GLMN: variants seen among roughly 807,000 people sequenced by gnomAD.
GLMN encodes the protein glomulin.
GLMN carries 75 observed loss-of-function variants against 87.8 expected under a neutral mutation model. The ratio of observed to expected loss-of-function variants is 0.85; its 90% CI spans 0.71 to 1.04. The LOEUF is 1.04. Among genes scored for constraint, GLMN ranks in the 50% least tolerant of loss-of-function variants. The probability of loss-of-function intolerance (pLI) is 0.00; values close to 1 mark genes in which losing one functional copy is unlikely to be tolerated. For missense variants in GLMN, 588 were observed against 658.8 expected (o/e 0.89, Z 1.18); for synonymous variants, 206 against 221.6 (o/e 0.93, Z 0.63).
chr1:92,248,493 T>C (rs1318169325), intron 16 of GLMN: 1 of 155,266 alleles, frequency 6.4e-6, no homozygotes, highest in Non-Finnish European at 1.4e-5. Flanking sequence ...GAGGGCAGCT[T>C]ATTTTGTCAT....
At chr1:92,368,693 G>C in the GLMN span, among the ~76,000 whole-genome samples, 1 of 152,154 alleles carries the variant, frequency 6.6e-6, no homozygotes, top group African/African-American at 2.4e-5. Flanking sequence ...TCTTACTACT[G>C]TATATAATAA....
chr1:92,307,170 T>C, the GLMN span: 1 of 1,560,852 alleles, frequency 6.4e-7, no homozygotes, highest in South Asian at 1.1e-5. Context: ...AAAACTAGAT[T>C]TATAATGTTC....
At chr1:92,278,041 G>A (rs1274442277) in intron 7 of GLMN, among the ~76,000 whole-genome samples, 1 of 152,100 alleles carries the variant, frequency 6.6e-6, no homozygotes, top group Non-Finnish European at 1.5e-5. Context: ...GGTAACGTTG[G>A]AATTGAATTA....
the GLMN span, among the ~76,000 whole-genome samples, chr1:92,337,950 C>T: frequency 6.6e-6 from 1 of 152,118 alleles, no homozygotes; most frequent in East Asian, 1.9e-4. Context: ...TTTTTATTAA[C>T]CTATTCCCAA....
At chr1:92,363,443 G>A in the GLMN span, among the ~76,000 whole-genome samples, 2 of 152,194 alleles carry the variant, frequency 1.3e-5, no homozygotes, top group Non-Finnish European at 2.9e-5. Context: ...AAAGAACAGC[G>A]TGGCTGCAGA....
the GLMN span, among the ~76,000 whole-genome samples, chr1:92,367,936 T>C: frequency 6.6e-6 from 1 of 152,230 alleles, no homozygotes; most frequent in Non-Finnish European, 1.5e-5. Flanking sequence ...CTGTCCAGTT[T>C]TGAAAGTCAG....
chr1:92,323,974 T>C, the GLMN span: 1 of 1,614,166 alleles, frequency 6.2e-7, no homozygotes. Flanking sequence ...TAGGTCAGTG[T>C]CTAGTTCAGT....
intron 7 of GLMN, among the ~76,000 whole-genome samples, chr1:92,276,968 A>G (rs184958735): frequency 1.3e-5 from 2 of 152,300 alleles, no homozygotes; most frequent in Admixed American, 1.3e-4. Context: ...CAAGACCCCC[A>G]GATTCTTGCT....
the GLMN span, among the ~76,000 whole-genome samples, chr1:92,337,915 A>G: frequency 6.6e-6 from 1 of 152,102 alleles, no homozygotes; most frequent in Non-Finnish European, 1.5e-5. Flanking sequence ...TCTAATGTCT[A>G]TTATTCTGTT....
rs1648786864 is a variant in GLMN, at chr1:92,286,612, TAA to T, written c.633-22_633-21del. The T allele has an allele frequency of 8.5e-7, 1 of 1,178,224 alleles. No homozygotes were observed. The highest frequency in any genetic ancestry group is 1.2e-5 in the South Asian group (1 of 82,434). The allele number at this position is 1,178,224 out of a possible 1,614,324, so 73.0% of individuals were successfully genotyped here. ...AAACAACTAAGGCATAAGAAATAGGTAACTATGAAATCAACACTTCCAAGTAT... is the reference window on the plus strand; with the variant it reads ...AAACAACTAAGGCATAAGAAATAGGTCTATGAAATCAACACTTCCAAGTAT... On this transcript the variant is annotated intron_variant, in intron 6 of 18. Transcript: ENST00000370360.
chr1:92,360,115 A>G, the GLMN span, among the ~76,000 whole-genome samples: 1 of 152,244 alleles, frequency 6.6e-6, no homozygotes. Flanking sequence ...CAAAATATGT[A>G]CTTTGCACTG....
intron 16 of GLMN, among the ~76,000 whole-genome samples, chr1:92,250,423 T>C (rs1358681068): frequency 6.6e-6 from 1 of 152,208 alleles, no homozygotes; most frequent in Non-Finnish European, 1.5e-5. Flanking sequence ...TAATTTTAAT[T>C]GGTGCATAAG....
the GLMN span, among the ~76,000 whole-genome samples, chr1:92,365,040 A>G: frequency 6.6e-6 from 1 of 152,152 alleles, no homozygotes; most frequent in Non-Finnish European, 1.5e-5. Context: ...CTTCAATAGG[A>G]CTTGACCTAT....
chr1:92,342,710 C>T, the GLMN span, among the ~76,000 whole-genome samples: 1 of 151,986 alleles, frequency 6.6e-6, no homozygotes, highest in Admixed American at 6.6e-5. Context: ...GTGATCAGAT[C>T]CTATTTTGAA....
At chr1:92,364,583 C>T in the GLMN span, among the ~76,000 whole-genome samples, 1 of 152,066 alleles carries the variant, frequency 6.6e-6, no homozygotes, top group African/African-American at 2.4e-5. Context: ...GTCATTTTGC[C>T]TTTCAAATGG....
At chr1:92,305,398 A>G in the GLMN span, among the ~76,000 whole-genome samples, 1 of 135,824 alleles carries the variant, frequency 7.4e-6, no homozygotes, top group South Asian at 2.6e-4. Context: ...GCACCACTGC[A>G]TTCCAGCCGG....
chr1:92,326,580 G>C, the GLMN span, among the ~76,000 whole-genome samples: 10 of 152,148 alleles, frequency 6.6e-5, no homozygotes, highest in South Asian at 2.1e-4. Context: ...GGACCGTCAT[G>C]GGGGCAGGGC....
chr1:92,359,514 T>A, the GLMN span, among the ~76,000 whole-genome samples: 1 of 152,154 alleles, frequency 6.6e-6, no homozygotes, highest in East Asian at 1.9e-4. Context: ...GAGACAGGAT[T>A]TTACCATGTT....
At chr1:92,281,588 C>T (rs1341603200) in intron 7 of GLMN, among the ~76,000 whole-genome samples, 2 of 152,138 alleles carry the variant, frequency 1.3e-5, no homozygotes, top group Non-Finnish European at 2.9e-5. Context: ...CAGCTATCAT[C>T]ATAATGACAT....
Sources: allele counts gnomAD v4.1 joint callset (sites outside exome capture counted in the v4.1 genomes callset), GRCh38; gene constraint gnomAD v4.1.1; transcripts MANE v1.5; gene names NCBI Gene and HGNC (gene_info 2026-07-23, HGNC 2026-07-21).